The following HERC1 variants were observed in gnomAD, a reference collection of about 807,000 sequenced individuals.
HERC1 encodes the protein probable E3 ubiquitin-protein ligase HERC1.
A neutral mutation model predicts 554.3 loss-of-function variants in HERC1; 160 were observed. That is an observed-to-expected ratio of 0.29 (90% CI 0.25 to 0.33). The LOEUF (loss-of-function observed/expected upper bound fraction) is 0.33. Among genes scored for constraint, HERC1 ranks in the 10% least tolerant of loss-of-function variants. The pLI is 1.00. For missense variants in HERC1, 4,919 were observed against 5,918.5 expected (o/e 0.83, Z 5.54); for synonymous variants, 2,175 against 2,131.7 (o/e 1.02, Z -0.56).
chr15:63,824,693 T>C, intron 1 of HERC1, among the ~76,000 whole-genome samples: 1 of 152,078 alleles, frequency 6.6e-6, no homozygotes, highest in East Asian at 1.9e-4. Flanking sequence ...GGAACCAACC[T>C]ACACGTCTGT....
chr15:63,799,043 G>C (rs952776972), intron 1 of HERC1, among the ~76,000 whole-genome samples: 3 of 152,110 alleles, frequency 2.0e-5, no homozygotes, highest in Non-Finnish European at 4.4e-5. Context: ...ATACGTTTCA[G>C]AACTAGGTCA....
chr15:63,706,715 CTTTT>C (rs34366173), intron 25 of HERC1, 61 bp downstream of exon 25: 179 of 683,950 alleles, frequency 2.6e-4, no homozygotes, highest in South Asian at 4.8e-4. Flanking sequence ...TTACTATGCT[CTTTT>C]TTTTTTTTTG....
intron 25 of HERC1, among the ~76,000 whole-genome samples, chr15:63,704,297 G>C (rs184175645): frequency 6.6e-6 from 1 of 152,178 alleles, no homozygotes; most frequent in South Asian, 2.1e-4. Context: ...TAGTTGGAAA[G>C]ATGAAGATTC....
rs115855854 is a variant in HERC1, at chr15:63,710,978, A to G, written c.4584+1797T>C. Among the ~76,000 whole-genome samples, 170 of 152,312 alleles carry G rather than the reference A, an allele frequency of 1.1e-3. 1 individual carries two copies. Among genetic ancestry groups the G allele is most frequent in the African/African-American group, 4.0e-3 (168 of 41,570 alleles). ...TAAGGACTTAGACTTCTAGTCTGAG[A>G]AAAGGGAAGTCATTGCAGGACTCTG... On this transcript the variant is annotated intron_variant, in intron 24 of 77. Coordinates refer to ENST00000443617, the MANE Select transcript of HERC1 (RefSeq NM_003922.4).
rs2071437697 is a variant in HERC1 at position 63,680,835 on chromosome 15, T to C, written c.6226-59A>G. ...AAAAATCTATTTATATACTATTAAC[T>C]GCATTAACCAATACTGAAAATATGT... On this transcript the variant is annotated intron_variant, in intron 34 of 77. Coordinates refer to ENST00000443617, the MANE Select transcript of HERC1 (RefSeq NM_003922.4). This position sits in a 1 kb window ranked among gnomAD's most constrained non-coding sequence, Gnocchi z 5.8. 8.8e-7 allele frequency: 1 copy of C among 1,134,140 alleles called. No individual in the cohort carries two copies. Among genetic ancestry groups the C allele is most frequent in the African/African-American group, 1.5e-5 (1 of 64,594 alleles). The allele number at this position is 1,134,140 out of a possible 1,614,324, so 70.3% of individuals were successfully genotyped here. A position where few individuals can be genotyped will look rare whatever the true frequency, so the allele number is the denominator to read the frequency against.
rs1228940181 is a variant in HERC1, at chr15:63,652,437, T to C, written c.10395A>G (p.Gln3465=). 1.9e-6 allele frequency: 3 copies of C among 1,612,946 alleles called. No individual in the cohort carries two copies. In the Admixed American group the frequency reaches 5.0e-5, roughly 27 times the overall value. Reference sequence around the variant, plus strand: ...ACAATCTGTTGAACACACAGGTCTGTTGCAGTGAATATTGCTTCTTGGTAA... The same window carrying C: ...ACAATCTGTTGAACACACAGGTCTGCTGCAGTGAATATTGCTTCTTGGTAA... The part of the protein sequence containing the change: ...WNVTKKQYSL[Q]QTCVFNRLEG... The change falls in exon 52 of 78, where the codon CAA becomes CAG. Residue 3465 remains glutamine, a synonymous_variant. Coordinates refer to ENST00000443617, the MANE Select transcript of HERC1 (RefSeq NM_003922.4).
intron 12 of HERC1, among the ~76,000 whole-genome samples, chr15:63,743,623 A>G (rs1419708678): frequency 1.3e-5 from 2 of 152,136 alleles, no homozygotes; most frequent in African/African-American, 4.8e-5. Flanking sequence ...ATTCTTCAAA[A>G]TGTCAATTGC....
intron 12 of HERC1, among the ~76,000 whole-genome samples, chr15:63,743,519 TC>T (rs2074914878): frequency 6.6e-6 from 1 of 152,154 alleles, no homozygotes; most frequent in Admixed American, 6.5e-5. Flanking sequence ...CACCTTGGCC[TC>T]CAAAAGTGCT....
In HERC1 at chr15:63,641,511, G is replaced by A. The variant is rs1190410940; in HGVS notation, c.11566C>T (p.Arg3856Trp). The A allele has an allele frequency of 4.3e-6, 7 of 1,613,248 alleles. No homozygotes were observed. Among genetic ancestry groups the A allele is most frequent in the South Asian group, 1.1e-5 (1 of 91,010 alleles). The change falls in exon 60 of 78, where the codon CGG becomes TGG. Residue 3856 changes from arginine to tryptophan, a missense_variant. Around this residue, in one of 11 missense-constraint regions of HERC1, gnomAD observed 1,963 missense variants for 2,228.6 expected, o/e 0.88. Coordinates refer to ENST00000443617, the MANE Select transcript of HERC1 (RefSeq NM_003922.4). ...TGCTCCTGAAGCATCATGGGGAGCC[G>A]CTCCAAAAATGCTCTCATGCAGGGA... ...MAPCMRAFLE[R>W]LPMMLQEQYA...
rs867263628 is a variant in HERC1 at position 63,829,525 on chromosome 15, A to G, written c.-27+4302T>C. ...ACACACACACACATATATAAATAATATGTGTGCACATATATGTATGTGTGT... is the reference window on the plus strand; with the variant it reads ...ACACACACACACATATATAAATAATGTGTGTGCACATATATGTATGTGTGT... On this transcript the variant is annotated intron_variant, in intron 1 of 77. Transcript: ENST00000443617. Among the ~76,000 whole-genome samples, 59 of 122,388 alleles carry G rather than the reference A, an allele frequency of 4.8e-4. 2 individuals carry two copies. The highest frequency in any genetic ancestry group is 8.5e-3 in the Middle Eastern group (2 of 234). 80.3% of individuals were successfully genotyped at this position (122,388 alleles called of 152,430 possible). A position where few individuals can be genotyped will look rare whatever the true frequency, so the allele number is the denominator to read the frequency against.
At chr15:63,637,076 C>T in intron 64 of HERC1, 1 of 456,166 alleles carries the variant, frequency 2.2e-6, no homozygotes, top group Admixed American at 2.3e-5. Flanking sequence ...ACAGTGGTTT[C>T]TCCAAAGGTG....
chr15:63,670,964 G>A (rs1036747227), intron 39 of HERC1, among the ~76,000 whole-genome samples: 1 of 152,048 alleles, frequency 6.6e-6, no homozygotes, highest in Admixed American at 6.6e-5. Context: ...CACTTTGGGA[G>A]GCTAAGGTGG....
At chr15:63,764,637 C>G (rs1292248056) in intron 2 of HERC1, among the ~76,000 whole-genome samples, 1 of 152,128 alleles carries the variant, frequency 6.6e-6, no homozygotes, top group Non-Finnish European at 1.5e-5. Flanking sequence ...GAAAGTCTGT[C>G]CCTCCCTTCT....
At chr15:63,648,869 C>T (rs2069497162) in intron 54 of HERC1, among the ~76,000 whole-genome samples, 2 of 152,120 alleles carry the variant, frequency 1.3e-5, no homozygotes, top group South Asian at 4.1e-4. Flanking sequence ...AATGGAATAC[C>T]ATGTAAGCAG....
chr15:63,729,739 T>A (rs2074196533), intron 14 of HERC1, 90 bp from the exon 15 acceptor site: 1 of 1,311,708 alleles, frequency 7.6e-7, no homozygotes, highest in Admixed American at 2.0e-5. Context: ...CAGCATTATA[T>A]GGGCTGGGTG....
chr15:63,703,782 GCAGTC>G (rs2072855828), intron 25 of HERC1, among the ~76,000 whole-genome samples: 1 of 151,934 alleles, frequency 6.6e-6, no homozygotes, highest in Admixed American at 6.6e-5. Flanking sequence ...GCATGTGCCT[GCAGTC>G]CCTCCCAGCT....
rs148128516 is a variant in HERC1 at position 63,718,682 on chromosome 15, A to C, written c.3870T>G (p.Gly1290=). The change falls in exon 21 of 78, where the codon GGT becomes GGG. Residue 1290 remains glycine (G), a synonymous_variant. Coordinates refer to ENST00000443617, the MANE Select transcript of HERC1 (RefSeq NM_003922.4). The surrounding 1 kb of genome is among the most constrained non-coding windows in gnomAD (Gnocchi z 4.2). ...AACGGTACACTTCTGATAAGTGTTTACCAGGTTGATATCTAAATGAAGAAC... is the reference window on the plus strand; with the variant it reads ...AACGGTACACTTCTGATAAGTGTTTCCCAGGTTGATATCTAAATGAAGAAC... ...QACGESRYQP[G]KHLSEVYRCV... 8.2e-4 allele frequency: 1,313 copies of C among 1,602,782 alleles called. 2 individuals carry two copies. Among genetic ancestry groups the C allele is most frequent in the Non-Finnish European group, 1.0e-3 (1,198 of 1,172,332 alleles).
At chr15:63,697,450 A>ATTTTTT (rs35244420) in intron 26 of HERC1, among the ~76,000 whole-genome samples, 1 of 108,496 alleles carries the variant, frequency 9.2e-6, no homozygotes, top group Non-Finnish European at 1.9e-5. Flanking sequence ...GTTAATCTTG[A>ATTTTTT]TTTTTTTTTT....
intron 52 of HERC1, among the ~76,000 whole-genome samples, 160 bp downstream of exon 52, chr15:63,652,254 C>A (rs1023520995): frequency 3.9e-5 from 6 of 152,136 alleles, no homozygotes; most frequent in African/African-American, 1.2e-4. Context: ...GAATTGTTAT[C>A]CTGGAAAGTT....
Sources: gnomAD v4.1 joint callset for allele counts (sites outside exome capture counted in the v4.1 genomes callset) on GRCh38, gnomAD v4.1.1 for gene constraint, gnomAD v4.1.1 regional missense constraint, Gnocchi (gnomAD v3.1) non-coding constraint, MANE v1.5 for transcripts, NCBI Gene and HGNC (gene_info 2026-07-23, HGNC 2026-07-21) for gene names.